Variants in GRAMD1B observed in about 807,000 individuals in gnomAD.
GRAMD1B encodes GRAM domain containing 1B.
In GRAMD1B, 37 loss-of-function variants were observed where a neutral mutation model predicts 99.7. That is an observed-to-expected ratio of 0.37 (90% confidence interval 0.29 to 0.49). The LOEUF (loss-of-function observed/expected upper bound fraction) is 0.49, where lower values mean the gene tolerates loss of function less well. GRAMD1B is among the 20% of genes least tolerant of loss of function. The pLI, the probability that GRAMD1B is intolerant of heterozygous loss-of-function variation, is 0.98. For missense variants in GRAMD1B, 888 were observed against 1,009.2 expected (o/e 0.88, Z 1.63); for synonymous variants, 427 against 387.6 (o/e 1.10, Z -1.19).
chr11:123,566,521 C>T (rs1305716803), intron 2 of GRAMD1B, among the ~76,000 whole-genome samples: 2 of 152,172 alleles, frequency 1.3e-5, no homozygotes, highest in Non-Finnish European at 2.9e-5. Flanking sequence ...AATCCCAGCA[C>T]TTTGGGAGGC....
chr11:123,550,167 AATTAAAGAGGAGCTGG>A (rs1269230780), intron 2 of GRAMD1B, among the ~76,000 whole-genome samples: 1 of 152,158 alleles, frequency 6.6e-6, no homozygotes, highest in Non-Finnish European at 1.5e-5. Flanking sequence ...GTCCAGGCTG[AATTAAAGAGGAGCTGG>A]ATTCGATGCT....
Position 123,430,894 on chromosome 11 carries a change from G to A in GRAMD1B, c.102G>A (p.Ser34=). Residue 34 remains serine, a synonymous_variant, in exon 1 of 20, where the codon TCG becomes TCA. Transcript: ENST00000635736. Reference sequence around the variant, plus strand: ...GCAGCCCGGTCTGGTCCAGTTCGTCGACCCCCACGCTTCGCCGCCGGCGCT... The same window carrying A: ...GCAGCCCGGTCTGGTCCAGTTCGTCAACCCCCACGCTTCGCCGCCGGCGCT... The part of the protein sequence containing the change: ...PEGSPVWSSS[S]TPTLRRRRFK... 1.4e-6 allele frequency: 1 copy of A among 702,548 alleles called. No individual in the cohort carries two copies. The highest frequency in any genetic ancestry group is 2.6e-6 in the Non-Finnish European group (1 of 384,814). 43.5% of individuals were successfully genotyped at this position (702,548 alleles called of 1,614,324 possible).
chr11:123,615,851 T>C (rs898524622), intron 17 of GRAMD1B, among the ~76,000 whole-genome samples: 1 of 152,058 alleles, frequency 6.6e-6, no homozygotes, highest in African/African-American at 2.4e-5. Context: ...ATAGAGAGTA[T>C]AGCATGTGAC....
In GRAMD1B at chr11:123,591,368, C is replaced by T. The variant is rs868144722; in HGVS notation, c.685-2714C>T. The T allele has an allele frequency of 4.0e-5, 16 of 398,980 alleles. No individual in the cohort carries two copies. Among genetic ancestry groups the T allele is most frequent in the Non-Finnish European group, 6.6e-5 (15 of 226,204 alleles). The allele number at this position is 398,980 out of a possible 1,614,324, so 24.7% of individuals were successfully genotyped here. A position where few individuals can be genotyped will look rare whatever the true frequency, so the allele number is the denominator to read the frequency against. On this transcript the variant is annotated intron_variant, in intron 4 of 19. Coordinates refer to ENST00000635736, the MANE Select transcript of GRAMD1B (RefSeq NM_001387025.1). This position sits in a 1 kb window ranked among gnomAD's most constrained non-coding sequence, Gnocchi z 4.7. ...AGTCAGTGCTCAGGGAGCCAGGCGT[C>T]GTTGGGAGGGGCAGCCGTGCTGGGC...
At position 123,594,672 on chromosome 11, in the gene GRAMD1B, C is replaced by G. The variant is rs1951057398; in HGVS notation, c.770-63C>G. ...TGGTGGGAGGGATGACATGCCTACT[C>G]TGCAGTGGTTTGCCGAAAATGCTTC... On this transcript the variant is annotated intron_variant, in intron 5 of 19. Coordinates refer to ENST00000635736, the MANE Select transcript of GRAMD1B (RefSeq NM_001387025.1). 4.8e-6 allele frequency: 4 copies of G among 831,590 alleles called. No individual in the cohort carries two copies. In the East Asian group the frequency reaches 9.7e-5, roughly 20 times the overall value. The allele number at this position is 831,590 out of a possible 1,614,324, so 51.5% of individuals were successfully genotyped here. A position where few individuals can be genotyped will look rare whatever the true frequency, so the allele number is the denominator to read the frequency against.
intron 19 of GRAMD1B, 83 bp from the exon 20 acceptor site, chr11:123,622,423 C>T (rs547954569): frequency 1.2e-4 from 100 of 821,586 alleles, no homozygotes; most frequent in Non-Finnish European, 1.7e-4. Context: ...CTGCCCTAGG[C>T]GGGTGTGGGG....
chr11:123,532,170 CTT>C (rs201330406), intron 2 of GRAMD1B, among the ~76,000 whole-genome samples: 3,011 of 152,330 alleles, frequency 0.02, 84 homozygotes, highest in African/African-American at 0.068. Flanking sequence ...AAATTTAGTT[CTT>C]GATCACTCCA....
rs576586202 is a variant in GRAMD1B, at chr11:123,477,099, C to A, written c.375-3717C>A. Reference sequence around the variant, plus strand: ...ATAATGGCACCTGGCATTTACATAGCAGTTAAAATGTGGCAGATGCTCTTT... The same window carrying A: ...ATAATGGCACCTGGCATTTACATAGAAGTTAAAATGTGGCAGATGCTCTTT... On this transcript the variant is annotated intron_variant, in intron 1 of 19. Coordinates refer to ENST00000635736, the MANE Select transcript of GRAMD1B (RefSeq NM_001387025.1). Among the ~76,000 whole-genome samples the A allele has an allele frequency of 3.9e-5, 6 of 152,256 alleles. No individual in the cohort carries two copies. The South Asian group carries it at 1.2e-3, about 32-fold the overall frequency.
intron 2 of GRAMD1B, among the ~76,000 whole-genome samples, chr11:123,538,645 G>A (rs1944200377): frequency 1.3e-5 from 2 of 151,488 alleles, no homozygotes; most frequent in South Asian, 4.2e-4. Context: ...TTTTGAGACA[G>A]AGTCTCACTC....
intron 2 of GRAMD1B, among the ~76,000 whole-genome samples, chr11:123,502,001 A>G (rs183287783): frequency 6.6e-6 from 1 of 152,314 alleles, no homozygotes; most frequent in Non-Finnish European, 1.5e-5. Flanking sequence ...TGCATGAGCT[A>G]CAGAAGTCCT....
At chr11:123,571,172 G>A (rs141061119) in intron 2 of GRAMD1B, among the ~76,000 whole-genome samples, 513 of 152,328 alleles carry the variant, frequency 3.4e-3, no homozygotes, top group African/African-American at 0.011. Flanking sequence ...GATGAACACC[G>A]GAACACCAAC....
intron 1 of GRAMD1B, chr11:123,435,800 T>G (rs1022397949): frequency 8.6e-6 from 2 of 231,404 alleles, no homozygotes; most frequent in Non-Finnish European, 1.7e-5. Flanking sequence ...AACAGCTTTA[T>G]TGAGATATAA....
At chr11:123,493,943 G>C (rs1301655817) in intron 2 of GRAMD1B, among the ~76,000 whole-genome samples, 2 of 152,102 alleles carry the variant, frequency 1.3e-5, no homozygotes, top group African/African-American at 4.8e-5. Flanking sequence ...TTACCCCTTT[G>C]TCCCAGTAGG....
intron 2 of GRAMD1B, among the ~76,000 whole-genome samples, chr11:123,513,383 T>C (rs1941234527): frequency 6.9e-6 from 1 of 144,264 alleles, no homozygotes; most frequent in Admixed American, 6.9e-5. Flanking sequence ...AGTACTACCC[T>C]TTTTTTTTTT....
chr11:123,563,745 G>A (rs1947056160), intron 2 of GRAMD1B, among the ~76,000 whole-genome samples: 1 of 152,068 alleles, frequency 6.6e-6, no homozygotes. Context: ...TATTGCCCAG[G>A]CTGGGCTTTT....
At chr11:123,599,136 A>T in intron 7 of GRAMD1B, 2 of 810,630 alleles carry the variant, frequency 2.5e-6, no homozygotes, top group Non-Finnish European at 4.5e-6. Flanking sequence ...TTCCACTGAC[A>T]TTGCCACATA....
Position 123,442,136 on chromosome 11 carries a change from A to G in GRAMD1B, c.374+10970A>G, listed in dbSNP as rs80130697. Among the ~76,000 whole-genome samples, 1,490 of 152,306 alleles carry G rather than the reference A, an allele frequency of 9.8e-3. 24 individuals are homozygous for G. The highest frequency in any genetic ancestry group is 0.033 in the African/African-American group (1,384 of 41,556). On this transcript the variant is annotated intron_variant, in intron 1 of 19. Coordinates refer to ENST00000635736, the MANE Select transcript of GRAMD1B (RefSeq NM_001387025.1). ...AACTGGGTGTCTTATAATTCAATTT[A>G]ATTCTGGCACCTTCTGCCTGGAGAT...
chr11:123,609,927 C>A lies in GRAMD1B; in HGVS notation c.1776+14C>A. ...AGGGAGACACAGGTGAGCAGAGCCGCGGATGCACAGAAGAGCGAGCTGGAA... is the reference window on the plus strand; with the variant it reads ...AGGGAGACACAGGTGAGCAGAGCCGAGGATGCACAGAAGAGCGAGCTGGAA... On this transcript the variant is annotated intron_variant, in intron 13 of 19. Coordinates refer to ENST00000635736, the MANE Select transcript of GRAMD1B (RefSeq NM_001387025.1). 1 of 1,378,980 alleles carries A rather than the reference C, an allele frequency of 7.3e-7. No homozygotes were observed. Among genetic ancestry groups the A allele is most frequent in the Non-Finnish European group, 1.0e-6 (1 of 981,808 alleles). 85.4% of individuals were successfully genotyped at this position (1,378,980 alleles called of 1,614,324 possible).
chr11:123,503,340 G>A (rs1488045922), intron 2 of GRAMD1B, among the ~76,000 whole-genome samples: 2 of 152,158 alleles, frequency 1.3e-5, no homozygotes, highest in African/African-American at 4.8e-5. Context: ...GGTAGGTAAG[G>A]GAAGGAGCTG....
Sources: allele counts gnomAD v4.1 joint callset (sites outside exome capture counted in the v4.1 genomes callset), GRCh38; gene constraint gnomAD v4.1.1; non-coding constraint Gnocchi (gnomAD v3.1); transcripts MANE v1.5; gene names NCBI Gene and HGNC (gene_info 2026-07-23, HGNC 2026-07-21).